Variants in MLNR observed in about 807,000 individuals in gnomAD.
MLNR encodes the protein G protein-coupled receptor 38.
In MLNR, 16 loss-of-function variants were observed where a neutral mutation model predicts 20.0. That is an observed-to-expected ratio of 0.80 (90% CI 0.54 to 1.22). MLNR has a LOEUF of 1.22. Among genes scored for constraint, MLNR ranks in the 50% most tolerant of loss-of-function variants. The probability of loss-of-function intolerance (pLI) is 0.00; values close to 1 mark genes in which losing one functional copy is unlikely to be tolerated. For synonymous variants in MLNR, 302 were observed against 287.2 expected (o/e 1.05, Z -0.52); for missense variants, 630 against 592.3 (o/e 1.06, Z -0.66).
Position 49,221,015 on chromosome 13 carries a change from G to A in MLNR, c.678G>A (p.Glu226=), listed in dbSNP as rs1462796488. 6.5e-7 allele frequency: 1 copy of A among 1,535,326 alleles called. No individual in the cohort carries two copies. The highest frequency in any genetic ancestry group is 2.6e-5 in the East Asian group (1 of 38,796). ...CGCCGTCGGGGCCCGAGACCGCGGA[G>A]GCCGCGGCGCTGTTCAGCCGCGAAT... ...PSPPSGPETA[E]AAALFSRECR... Residue 226 remains glutamate, a synonymous_variant, in exon 1 of 2, where the codon GAG becomes GAA. Transcript: ENST00000218721.
In MLNR at chr13:49,220,690, G is replaced by T; in HGVS notation, c.353G>T (p.Gly118Val). 1 of 1,600,694 alleles carries T rather than the reference G, an allele frequency of 6.2e-7. No homozygotes were observed. Among genetic ancestry groups the T allele is most frequent in the Non-Finnish European group, 8.5e-7 (1 of 1,175,016 alleles). The change falls in exon 1 of 2, where the codon GGC becomes GTC. Residue 118 changes from glycine to valine, a missense_variant. Transcript: ENST00000218721. This position sits in a 1 kb window ranked among gnomAD's most constrained non-coding sequence, Gnocchi z 4.4. ...CTCTGCCGCCTGTCCCTCTACGTGG[G>T]CGAGGGCTGCACCTACGCCACGCTG... ...PLLCRLSLYV[G>V]EGCTYATLLH...
In MLNR at chr13:49,220,690, G is replaced by A. The variant is rs778761465; in HGVS notation, c.353G>A (p.Gly118Asp). The A allele has an allele frequency of 6.2e-7, 1 of 1,600,694 alleles. No individual in the cohort carries two copies. The highest frequency in any genetic ancestry group is 1.1e-5 in the South Asian group (1 of 89,522). Reference protein sequence around the residue: ...PLLCRLSLYVGEGCTYATLLH... With the variant: ...PLLCRLSLYVDEGCTYATLLH... ...CTCTGCCGCCTGTCCCTCTACGTGG[G>A]CGAGGGCTGCACCTACGCCACGCTG... The change falls in exon 1 of 2, where the codon GGC becomes GAC. Residue 118 changes from glycine (G) to aspartate (D), a missense_variant. Transcript: ENST00000218721. The surrounding 1 kb of genome is among the most constrained non-coding windows in gnomAD (Gnocchi z 4.4).
Position 49,220,617 on chromosome 13 carries a change from G to C in MLNR, c.280G>C (p.Asp94His). 4 of 1,612,362 alleles carry C rather than the reference G, an allele frequency of 2.5e-6. No homozygotes were observed. The highest frequency in any genetic ancestry group is 3.4e-6 in the Non-Finnish European group (4 of 1,179,422). Residue 94 changes from aspartate to histidine, a missense_variant, in exon 1 of 2, where the codon GAC becomes CAC. By Grantham distance (81) the Asp-to-His change is moderately conservative. Transcript: ENST00000218721. The surrounding 1 kb of genome is among the most constrained non-coding windows in gnomAD (Gnocchi z 4.4). ...DLLILLGLPF[D>H]LYRLWRSRPW... ...ACTCATCCTGCTCGGGCTGCCGTTC[G>C]ACCTGTACCGCCTCTGGCGCTCGCG...
Position 49,220,491 on chromosome 13 carries a change from G to C in MLNR, c.154G>C (p.Gly52Arg), listed in dbSNP as rs779513483. 26 of 1,594,420 alleles carry C rather than the reference G, an allele frequency of 1.6e-5. No homozygotes were observed. The highest frequency in any genetic ancestry group is 2.1e-5 in the Non-Finnish European group (25 of 1,171,550). The change falls in exon 1 of 2, where the codon GGG becomes CGG. Residue 52 changes from glycine (G) to arginine (R), a missense_variant. Gly to Arg is a moderately radical substitution (Grantham distance 125). Coordinates refer to ENST00000218721, the MANE Select transcript of MLNR (RefSeq NM_001507.1). This position sits in a 1 kb window ranked among gnomAD's most constrained non-coding sequence, Gnocchi z 4.4. ...TGTGTGCCTGTGCCTGTTCGTCGTC[G>C]GGGTGAGCGGCAACGTGGTGACCGT... Reference protein sequence around the residue: ...TAVCLCLFVVGVSGNVVTVML... With the variant: ...TAVCLCLFVVRVSGNVVTVML...
rs1477992605 is a variant in MLNR at position 49,220,354 on chromosome 13, AC to A, written c.18del (p.Asn6LysfsTer36). MGSPW[N>X]GSDGPEGARE... Reference sequence around the variant, plus strand: ...GGAGCACCCATGGGCAGCCCCTGGAACGGCAGCGACGGCCCCGAGGGGGCGC... The same window carrying A: ...GGAGCACCCATGGGCAGCCCCTGGAAGGCAGCGACGGCCCCGAGGGGGCGC... On this transcript the variant is annotated frameshift_variant, in exon 1 of 2. Coordinates refer to ENST00000218721, the MANE Select transcript of MLNR (RefSeq NM_001507.1). LOFTEE classifies it high-confidence loss of function. This position sits in a 1 kb window ranked among gnomAD's most constrained non-coding sequence, Gnocchi z 4.4. The A allele has an allele frequency of 1.4e-6, 2 of 1,399,894 alleles. No individual in the cohort carries two copies. The highest frequency in any genetic ancestry group is 6.6e-5 in the Admixed American group (2 of 30,188). 86.7% of individuals were successfully genotyped at this position (1,399,894 alleles called of 1,614,324 possible). A position where few individuals can be genotyped will look rare whatever the true frequency, so the allele number is the denominator to read the frequency against.
In MLNR at chr13:49,220,800, G is replaced by T. The variant is rs1461465480; in HGVS notation, c.463G>T (p.Val155Phe). ...RARVLVTRRR[V>F]RALIAVLWAV... ...CCGCGTCTTGGTCACCCGGCGCCGC[G>T]TCCGCGCGCTCATCGCTGTGCTCTG... The change falls in exon 1 of 2, where the codon GTC becomes TTC. Residue 155 changes from valine to phenylalanine, a missense_variant. By Grantham distance (50) the Val-to-Phe change is conservative (BLOSUM62 -1). Coordinates refer to ENST00000218721, the MANE Select transcript of MLNR (RefSeq NM_001507.1). This position sits in a 1 kb window ranked among gnomAD's most constrained non-coding sequence, Gnocchi z 4.4. The T allele has an allele frequency of 3.2e-6, 5 of 1,568,022 alleles. No individual in the cohort carries two copies. The highest frequency in any genetic ancestry group is 4.3e-6 in the Non-Finnish European group (5 of 1,158,010).
Position 49,221,211 on chromosome 13 carries a change from G to A in MLNR, c.874G>A (p.Gly292Ser), listed in dbSNP as rs763192997. ...CCCGGCCGCCTCGGGGCGGGAGAGA[G>A]GCCACCGGCAGACCGTCCGCGTCCT... ...RGPAASGRER[G>S]HRQTVRVLLV... The change falls in exon 1 of 2, where the codon GGC becomes AGC. Residue 292 changes from glycine to serine, a missense_variant. Transcript: ENST00000218721. 3.3e-5 allele frequency: 53 copies of A among 1,586,724 alleles called. No homozygotes were observed. The African/African-American group carries it at 5.1e-4, about 15-fold the overall frequency.
rs1294658889 is a variant in MLNR, at chr13:49,222,107, C to T, written c.969C>T (p.Asn323=). 3 of 1,614,022 alleles carry T rather than the reference C, an allele frequency of 1.9e-6. No homozygotes were observed. The highest frequency in any genetic ancestry group is 2.2e-5 in the East Asian group (1 of 44,890). The change falls in exon 2 of 2, where the codon AAC becomes AAT. Residue 323 remains asparagine (N), a synonymous_variant. Transcript: ENST00000218721. The stretch of plus-strand genomic sequence containing the variant: ...ACGTTGGCAGAATCATTTACATAAA[C>T]ACGGAAGATTCGCGGATGATGTACT... ...PFHVGRIIYI[N]TEDSRMMYFS...
rs1256116901 is a variant in MLNR at position 49,222,267 on chromosome 13, C to A, written c.1129C>A (p.Pro377Thr). The part of the protein sequence containing the change: ...FKLLLARKSR[P>T]RGFHRSRDTA... ...ACTGCTGCTCGCAAGGAAGTCCAGG[C>A]CGAGAGGCTTCCACAGAAGCAGGGA... The change falls in exon 2 of 2, where the codon CCG (proline) becomes ACG (threonine). Residue 377 changes from proline (P) to threonine (T), a missense_variant. By Grantham distance (38) the Pro-to-Thr change is conservative (BLOSUM62 -1). Transcript: ENST00000218721. 1 of 1,613,890 alleles carries A rather than the reference C, an allele frequency of 6.2e-7. No individual in the cohort carries two copies.
In MLNR at chr13:49,222,044, G is replaced by A. The variant is rs1887019429; in HGVS notation, c.906G>A (p.Val302=). Residue 302 remains valine (V), a synonymous_variant, in exon 2 of 2, where the codon GTG becomes GTA. Transcript: ENST00000218721. ...GTGCTGTGTCTTATGTTGCAGTGGT[G>A]GTGGTTCTGGCATTTATAATTTGCT... is the stretch of plus-strand genomic sequence containing the variant. The part of the protein sequence containing the change: ...GHRQTVRVLL[V]VVLAFIICWL... The A allele has an allele frequency of 6.2e-7, 1 of 1,612,762 alleles. No homozygotes were observed. Among genetic ancestry groups the A allele is most frequent in the Non-Finnish European group, 8.5e-7 (1 of 1,179,188 alleles).
At position 49,222,342 on chromosome 13, in the gene MLNR, A is replaced by G; in HGVS notation, c.1204A>G (p.Thr402Ala). ...CACTGGAGGAGACACGGTGGGCTAC[A>G]CCGAGACAAGCGCTAACGTGAAGAC... ...GDTGGDTVGY[T>A]ETSANVKTMG Residue 402 changes from threonine to alanine, a missense_variant, in exon 2 of 2, where the codon ACC (threonine) becomes GCC (alanine). Thr to Ala is a moderately conservative substitution (Grantham distance 58). Coordinates refer to ENST00000218721, the MANE Select transcript of MLNR (RefSeq NM_001507.1). 2 of 1,613,696 alleles carry G rather than the reference A, an allele frequency of 1.2e-6. No homozygotes were observed. Among genetic ancestry groups the G allele is most frequent in the Non-Finnish European group, 1.7e-6 (2 of 1,179,904 alleles).
Position 49,220,356 on chromosome 13 carries a change from GGC to G in MLNR, c.20_21del (p.Gly7GlufsTer330). 7.1e-7 allele frequency: 1 copy of G among 1,403,882 alleles called. No individual in the cohort carries two copies. The highest frequency in any genetic ancestry group is 9.2e-7 in the Non-Finnish European group (1 of 1,089,252). The allele number at this position is 1,403,882 out of a possible 1,614,324, so 87.0% of individuals were successfully genotyped here. On this transcript the variant is annotated frameshift_variant, in exon 1 of 2. Coordinates refer to ENST00000218721, the MANE Select transcript of MLNR (RefSeq NM_001507.1). LOFTEE classifies it high-confidence loss of function. The surrounding 1 kb of genome is among the most constrained non-coding windows in gnomAD (Gnocchi z 4.4). ...AGCACCCATGGGCAGCCCCTGGAAC[GGC>G]AGCGACGGCCCCGAGGGGGCGCGGG... MGSPWN[G>X]SDGPEGAREP...
rs757163917 is a variant in MLNR, at chr13:49,221,003, C to T, written c.666C>T (p.Pro222=). ...RAPPPSPPSG[P]ETAEAAALFS... ...CACCGCCGTCCCCGCCGTCGGGGCC[C>T]GAGACCGCGGAGGCCGCGGCGCTGT... Residue 222 remains proline (P), a synonymous_variant, in exon 1 of 2, where the codon CCC becomes CCT. Coordinates refer to ENST00000218721, the MANE Select transcript of MLNR (RefSeq NM_001507.1). 2 of 1,531,470 alleles carry T rather than the reference C, an allele frequency of 1.3e-6. No individual in the cohort carries two copies. Among genetic ancestry groups the T allele is most frequent in the Non-Finnish European group, 1.7e-6 (2 of 1,151,404 alleles). 94.9% of individuals were successfully genotyped at this position (1,531,470 alleles called of 1,614,324 possible).
Position 49,222,359 on chromosome 13 carries a change from C to T in MLNR, c.1221C>T (p.Asn407=), listed in dbSNP as rs201368067. 105 of 1,612,050 alleles carry T rather than the reference C, an allele frequency of 6.5e-5. No individual in the cohort carries two copies. The highest frequency in any genetic ancestry group is 8.4e-5 in the Non-Finnish European group (99 of 1,179,320). The part of the protein sequence containing the change: ...DTVGYTETSA[N]VKTMG ...TGGGCTACACCGAGACAAGCGCTAACGTGAAGACGATGGGATAACCAGCAC... is the reference window on the plus strand; with the variant it reads ...TGGGCTACACCGAGACAAGCGCTAATGTGAAGACGATGGGATAACCAGCAC... Residue 407 remains asparagine, a synonymous_variant, in exon 2 of 2, where the codon AAC becomes AAT. Coordinates refer to ENST00000218721, the MANE Select transcript of MLNR (RefSeq NM_001507.1).
In MLNR at chr13:49,220,764, C is replaced by G. The variant is rs1886993543; in HGVS notation, c.427C>G (p.Pro143Ala). The part of the protein sequence containing the change: ...SVERYLAICR[P>A]LRARVLVTRR... ...CGAGCGCTACCTGGCCATCTGCCGC[C>G]CGCTCCGCGCCCGCGTCTTGGTCAC... Residue 143 changes from proline (P) to alanine (A), a missense_variant, in exon 1 of 2, where the codon CCG (proline) becomes GCG (alanine). By Grantham distance (27) the Pro-to-Ala change is conservative. Transcript: ENST00000218721. This position sits in a 1 kb window ranked among gnomAD's most constrained non-coding sequence, Gnocchi z 4.4. The G allele has an allele frequency of 2.6e-6, 4 of 1,568,204 alleles. No homozygotes were observed. Among genetic ancestry groups the G allele is most frequent in the Non-Finnish European group, 3.5e-6 (4 of 1,157,964 alleles).
At position 49,220,438 on chromosome 13, in the gene MLNR, C is replaced by T. The variant is rs1886985312; in HGVS notation, c.101C>T (p.Pro34Leu). 6.5e-7 allele frequency: 1 copy of T among 1,546,994 alleles called. No individual in the cohort carries two copies. The highest frequency in any genetic ancestry group is 1.9e-5 in the Admixed American group (1 of 51,694). The change falls in exon 1 of 2, where the codon CCC becomes CTC. Residue 34 changes from proline to leucine, a missense_variant. Physicochemically the swap from Pro to Leu is moderately conservative, Grantham distance 98 (BLOSUM62 -3). Transcript: ENST00000218721. This position sits in a 1 kb window ranked among gnomAD's most constrained non-coding sequence, Gnocchi z 4.4. ...PCDERRCSPF[P>L]LGALVPVTAV... ...GACGAGCGCCGCTGCTCGCCCTTTCCCCTGGGGGCGCTGGTGCCGGTGACC... is the reference window on the plus strand; with the variant it reads ...GACGAGCGCCGCTGCTCGCCCTTTCTCCTGGGGGCGCTGGTGCCGGTGACC...
Position 49,220,609 on chromosome 13 carries a change from T to G in MLNR, c.272T>G (p.Leu91Arg). The G allele has an allele frequency of 6.2e-7, 1 of 1,613,070 alleles. No homozygotes were observed. Among genetic ancestry groups the G allele is most frequent in the East Asian group, 2.2e-5 (1 of 44,840 alleles). Reference sequence around the variant, plus strand: ...TCCGACCTACTCATCCTGCTCGGGCTGCCGTTCGACCTGTACCGCCTCTGG... The same window carrying G: ...TCCGACCTACTCATCCTGCTCGGGCGGCCGTTCGACCTGTACCGCCTCTGG... The part of the protein sequence containing the change: ...AVSDLLILLG[L>R]PFDLYRLWRS... The change falls in exon 1 of 2, where the codon CTG becomes CGG. Residue 91 changes from leucine (L) to arginine (R), a missense_variant. Coordinates refer to ENST00000218721, the MANE Select transcript of MLNR (RefSeq NM_001507.1). The surrounding 1 kb of genome is among the most constrained non-coding windows in gnomAD (Gnocchi z 4.4).
At chr13:49,221,370 A>C in intron 1 of MLNR, 132 bp downstream of exon 1, 3 of 958,994 alleles carry the variant, frequency 3.1e-6, no homozygotes, top group Non-Finnish European at 4.7e-6. Flanking sequence ...TCCTATTTCG[A>C]TTCCAGCCTC....
Position 49,220,509 on chromosome 13 carries a change from G to C in MLNR, c.172G>C (p.Val58Leu). 1 of 1,604,078 alleles carries C rather than the reference G, an allele frequency of 6.2e-7. No homozygotes were observed. Among genetic ancestry groups the C allele is most frequent in the South Asian group, 1.1e-5 (1 of 89,424 alleles). Residue 58 changes from valine to leucine, a missense_variant, in exon 1 of 2, where the codon GTG (valine) becomes CTG (leucine). Val to Leu is a conservative substitution (Grantham distance 32, BLOSUM62 1). Transcript: ENST00000218721. This position sits in a 1 kb window ranked among gnomAD's most constrained non-coding sequence, Gnocchi z 4.4. ...LFVVGVSGNV[V>L]TVMLIGRYRD... ...CGTCGTCGGGGTGAGCGGCAACGTG[G>C]TGACCGTGATGCTGATCGGGCGCTA... is the stretch of plus-strand genomic sequence containing the variant.
Sources: gnomAD v4.1 joint callset for allele counts on GRCh38, gnomAD v4.1.1 for gene constraint, Gnocchi (gnomAD v3.1) non-coding constraint, MANE v1.5 for transcripts, NCBI Gene and HGNC (gene_info 2026-07-23, HGNC 2026-07-21) for gene names.